Variants in TRPC6 observed in about 807,000 individuals in gnomAD.
TRPC6 encodes short transient receptor potential channel 6.
TRPC6 carries 55 observed loss-of-function variants against 90.7 expected under a neutral mutation model. That is an observed-to-expected ratio of 0.61 (90% confidence interval 0.49 to 0.76). TRPC6 has a LOEUF of 0.76. TRPC6 is among the 30% of genes least tolerant of loss of function. The pLI is 0.00. For missense variants in TRPC6, 989 were observed against 1,122.7 expected (o/e 0.88, Z 1.70); for synonymous variants, 393 against 393.0 (o/e 1.00, Z 0.00).
At position 101,548,250 on chromosome 11, in the gene TRPC6, C is replaced by CATATATATATATATATAT. The variant is rs1491446189; in HGVS notation, c.170+35083_170+35084insATATATATATATATATAT. On this transcript the variant is annotated intron_variant, in intron 1 of 12. Coordinates refer to ENST00000344327, the MANE Select transcript of TRPC6 (RefSeq NM_004621.6). ...CTTCCCAACAGCCTAAGAACTAGAT[C>CATATATATATATATATAT]ATATATATATACATATATATATAAT... Among the ~76,000 whole-genome samples the CATATATATATATATATAT allele has an allele frequency of 2.3e-3, 130 of 56,106 alleles. 1 individual carries two copies. The highest frequency in any genetic ancestry group is 0.011 in the African/African-American group (125 of 11,790). The allele number at this position is 56,106 out of a possible 152,430, so 36.8% of individuals were successfully genotyped here. A position where few individuals can be genotyped will look rare whatever the true frequency, so the allele number is the denominator to read the frequency against.
intron 5 of TRPC6, among the ~76,000 whole-genome samples, chr11:101,481,619 T>C (rs1022085395): frequency 1.3e-5 from 2 of 152,158 alleles, no homozygotes; most frequent in African/African-American, 4.8e-5. Context: ...CTCTCCCTTC[T>C]GATGTGCAAT....
chr11:101,536,736 C>A (rs1029479376), intron 1 of TRPC6, among the ~76,000 whole-genome samples: 1 of 152,024 alleles, frequency 6.6e-6, no homozygotes, highest in Non-Finnish European at 1.5e-5. Context: ...TAGTCAGGGG[C>A]GAGAGCATTC....
At chr11:101,545,983 G>A (rs1451456689) in intron 1 of TRPC6, among the ~76,000 whole-genome samples, 2 of 147,522 alleles carry the variant, frequency 1.4e-5, no homozygotes, top group Non-Finnish European at 3.0e-5. Flanking sequence ...AAGAAGAAGA[G>A]AGAGTGAAGA....
intron 2 of TRPC6, among the ~76,000 whole-genome samples, chr11:101,500,211 TTTC>T (rs1426651736): frequency 2.2e-5 from 1 of 45,282 alleles, no homozygotes; most frequent in Non-Finnish European, 4.8e-5. Flanking sequence ...ATTTTTTTTC[TTTC>T]TTTTTTTTTT....
chr11:101,489,253 C>T, intron 3 of TRPC6, 152 bp from the exon 4 acceptor site: 1 of 730,442 alleles, frequency 1.4e-6, no homozygotes, highest in Non-Finnish European at 2.3e-6. Flanking sequence ...AGGCAACAAA[C>T]AAATGGCAAA....
intron 5 of TRPC6, among the ~76,000 whole-genome samples, chr11:101,480,844 G>A (rs1859535443): frequency 1.3e-5 from 2 of 152,012 alleles, no homozygotes; most frequent in East Asian, 3.9e-4. Flanking sequence ...ACAAGTGATT[G>A]TTTATTCTTA....
intron 1 of TRPC6, among the ~76,000 whole-genome samples, chr11:101,566,192 G>A (rs1484749005): frequency 1.3e-5 from 2 of 152,162 alleles, no homozygotes; most frequent in Admixed American, 1.3e-4. Flanking sequence ...TGTAAGTTTT[G>A]CCCAGGCACA....
intron 1 of TRPC6, among the ~76,000 whole-genome samples, chr11:101,516,078 T>C (rs1381095998): frequency 1.3e-5 from 2 of 149,494 alleles, no homozygotes; most frequent in African/African-American, 5.0e-5. Context: ...GGGGCTTTTG[T>C]TTTCTGAATT....
At chr11:101,464,539 T>C (rs952248443) in intron 10 of TRPC6, among the ~76,000 whole-genome samples, 8 of 152,200 alleles carry the variant, frequency 5.3e-5, no homozygotes, top group Non-Finnish European at 1.0e-4. Flanking sequence ...TTTACCATTA[T>C]GTAATGCCCT....
intron 10 of TRPC6, among the ~76,000 whole-genome samples, chr11:101,464,123 A>G (rs1230866168): frequency 6.6e-6 from 1 of 151,584 alleles, no homozygotes; most frequent in Non-Finnish European, 1.5e-5. Flanking sequence ...GTTTTGAGTT[A>G]ATTTCTTAAT....
At chr11:101,458,126 T>C (rs952887508) in intron 10 of TRPC6, among the ~76,000 whole-genome samples, 4 of 152,190 alleles carry the variant, frequency 2.6e-5, no homozygotes, top group Non-Finnish European at 5.9e-5. Context: ...AAAGTTATTA[T>C]ACAAAATTTG....
chr11:101,498,857 T>A (rs1860019197), intron 2 of TRPC6, among the ~76,000 whole-genome samples: 1 of 151,630 alleles, frequency 6.6e-6, no homozygotes, highest in Admixed American at 6.6e-5. Context: ...CAAGAGAGAG[T>A]CCCCCTTTAA....
At chr11:101,491,514 A>T in intron 3 of TRPC6, 42 bp downstream of exon 3, 1 of 1,609,948 alleles carries the variant, frequency 6.2e-7, no homozygotes, top group Non-Finnish European at 8.5e-7. Context: ...TAGCACCAAC[A>T]AGAACCAAAA....
intron 10 of TRPC6, among the ~76,000 whole-genome samples, chr11:101,455,929 T>C (rs1350657645): frequency 6.6e-6 from 1 of 152,148 alleles, no homozygotes; most frequent in Non-Finnish European, 1.5e-5. Context: ...GCAATTATGG[T>C]ATAGCTGAGT....
intron 1 of TRPC6, among the ~76,000 whole-genome samples, chr11:101,581,980 G>A (rs920049169): frequency 5.3e-5 from 8 of 152,182 alleles, no homozygotes; most frequent in African/African-American, 1.9e-4. Context: ...TTCTTTGAGG[G>A]ATGATGAAAT....
At chr11:101,537,381 G>T (rs1273735190) in intron 1 of TRPC6, among the ~76,000 whole-genome samples, 2 of 151,846 alleles carry the variant, frequency 1.3e-5, no homozygotes, top group Non-Finnish European at 2.9e-5. Context: ...CTGAGAATGG[G>T]TTTATTTTTT....
intron 2 of TRPC6, among the ~76,000 whole-genome samples, chr11:101,499,604 ATGG>A (rs1387621802): frequency 5.0e-5 from 6 of 119,506 alleles, no homozygotes; most frequent in African/African-American, 1.3e-4. Context: ...ATACGTATAT[ATGG>A]TATATATATA....
intron 4 of TRPC6, among the ~76,000 whole-genome samples, chr11:101,485,721 T>C (rs981131454): frequency 5.3e-5 from 8 of 152,132 alleles, no homozygotes; most frequent in African/African-American, 1.2e-4. Flanking sequence ...AAGGACATCA[T>C]ACAGTAGAGC....
chr11:101,482,659 G>A (rs889240909), intron 5 of TRPC6, among the ~76,000 whole-genome samples: 1 of 152,158 alleles, frequency 6.6e-6, no homozygotes, highest in Admixed American at 6.5e-5. Flanking sequence ...CTCAAAATAT[G>A]AATAGTATAA....
Sources: gnomAD v4.1 joint callset for allele counts (sites outside exome capture counted in the v4.1 genomes callset) on GRCh38, gnomAD v4.1.1 for gene constraint, MANE v1.5 for transcripts, NCBI Gene and HGNC (gene_info 2026-07-23, HGNC 2026-07-21) for gene names.